Variants in RAB11FIP5 observed in about 807,000 individuals in gnomAD.
The protein encoded by RAB11FIP5 is rab11 family-interacting protein 5.
Under a neutral mutation model 85.1 loss-of-function variants are expected in RAB11FIP5, and 48 were observed. That is an observed-to-expected ratio of 0.56 (90% CI 0.45 to 0.72). The LOEUF is 0.72. RAB11FIP5 is among the 30% of genes least tolerant of loss of function. RAB11FIP5 has a pLI of 0.00. For missense variants in RAB11FIP5, 1,491 were observed against 1,687.0 expected (o/e 0.88, Z 2.04); for synonymous variants, 729 against 727.3 (o/e 1.00, Z -0.04).
At chr2:73,076,320 A>G (rs925467833) in intron 4 of RAB11FIP5, 138 bp from the exon 5 acceptor site, 3 of 853,172 alleles carry the variant, frequency 3.5e-6, no homozygotes, top group Non-Finnish European at 5.5e-6. Context: ...CTACAGAGTC[A>G]AGGTTTCAGG....
At chr2:73,111,927 T>C (rs889492868) in intron 1 of RAB11FIP5, among the ~76,000 whole-genome samples, 1 of 152,180 alleles carries the variant, frequency 6.6e-6, no homozygotes, top group Middle Eastern at 3.2e-3. Flanking sequence ...AGGGCAAGGC[T>C]GCGCCTCTCC....
chr2:73,088,813 T>G (rs1684146820), intron 2 of RAB11FIP5, 64 bp from the exon 3 acceptor site: 2 of 1,535,028 alleles, frequency 1.3e-6, no homozygotes, highest in Non-Finnish European at 1.7e-6. Flanking sequence ...GCCCCAGGCC[T>G]TCATCACCAC....
At position 73,080,754 on chromosome 2, in the gene RAB11FIP5, G is replaced by C; in HGVS notation, c.2478C>G (p.Val826=). 8.1e-7 allele frequency: 1 copy of C among 1,232,544 alleles called. No homozygotes were observed. Among genetic ancestry groups the C allele is most frequent in the East Asian group, 3.2e-5 (1 of 31,710 alleles). The allele number at this position is 1,232,544 out of a possible 1,614,324, so 76.4% of individuals were successfully genotyped here. The change falls in exon 4 of 6, where the codon GTC becomes GTG. Residue 826 remains valine, a synonymous_variant. Coordinates refer to ENST00000486777, the MANE Select transcript of RAB11FIP5 (RefSeq NM_001371272.1). ...SRGENQLCPD[V]ETADDAWPWD... Reference sequence around the variant, plus strand: ...AAGGCCAGGCATCATCAGCTGTCTCGACGTCAGGGCAAAGCTGATTTTCGC... The same window carrying C: ...AAGGCCAGGCATCATCAGCTGTCTCCACGTCAGGGCAAAGCTGATTTTCGC...
Position 73,080,904 on chromosome 2 carries a change from T to G in RAB11FIP5, c.2328A>C (p.Glu776Asp). The G allele has an allele frequency of 4.1e-6, 5 of 1,232,600 alleles. No individual in the cohort carries two copies. The highest frequency in any genetic ancestry group is 5.1e-6 in the Non-Finnish European group (5 of 988,344). 76.4% of individuals were successfully genotyped at this position (1,232,600 alleles called of 1,614,324 possible). ...PDRELPAPEV[E>D]AGQSPADSGT... The stretch of plus-strand genomic sequence containing the variant: ...CACTGTCTGCCGGACTCTGCCCTGC[T>G]TCCACTTCCGGGGCTGGCAGTTCCC... Residue 776 changes from glutamate (E) to aspartate (D), a missense_variant, in exon 4 of 6, where the codon GAA becomes GAC. Coordinates refer to ENST00000486777, the MANE Select transcript of RAB11FIP5 (RefSeq NM_001371272.1).
At chr2:73,106,488 C>A (rs151225271) in intron 1 of RAB11FIP5, among the ~76,000 whole-genome samples, 1 of 152,322 alleles carries the variant, frequency 6.6e-6, no homozygotes, top group East Asian at 1.9e-4. Flanking sequence ...CAGGCTTCCC[C>A]CCCTTTGGAA....
At position 73,088,418 on chromosome 2, in the gene RAB11FIP5, C is replaced by T; in HGVS notation, c.1200G>A (p.Val400=). 1 of 1,613,964 alleles carries T rather than the reference C, an allele frequency of 6.2e-7. No homozygotes were observed. The highest frequency in any genetic ancestry group is 8.5e-7 in the Non-Finnish European group (1 of 1,180,040). The stretch of plus-strand genomic sequence containing the variant: ...GAGCACTCAGCTCCTCCTGTCCAAG[C>T]ACTGCCTCTGAGCTGCTGTTGCTAC... ...GSRSNSSSEA[V]LGQEELSAQA... The change falls in exon 3 of 6, where the codon GTG becomes GTA. Residue 400 remains valine (V), a synonymous_variant. Transcript: ENST00000486777.
chr2:73,103,827 G>T (rs988704512), intron 1 of RAB11FIP5, among the ~76,000 whole-genome samples: 3 of 152,138 alleles, frequency 2.0e-5, no homozygotes, highest in African/African-American at 7.2e-5. Flanking sequence ...GAGAGAACCC[G>T]CAAGATGACC....
At chr2:73,102,943 T>G (rs1198134653) in intron 1 of RAB11FIP5, among the ~76,000 whole-genome samples, 1 of 152,118 alleles carries the variant, frequency 6.6e-6, no homozygotes, top group East Asian at 1.9e-4. Context: ...AAACTAGAAC[T>G]ATTATATTCA....
At chr2:73,107,247 G>A (rs759531637) in intron 1 of RAB11FIP5, among the ~76,000 whole-genome samples, 2 of 152,250 alleles carry the variant, frequency 1.3e-5, no homozygotes, top group Non-Finnish European at 2.9e-5. Flanking sequence ...TTCCCCTGGA[G>A]CAGAGCCACA....
intron 1 of RAB11FIP5, among the ~76,000 whole-genome samples, chr2:73,110,405 C>T (rs1276003983): frequency 1.3e-5 from 2 of 152,130 alleles, no homozygotes; most frequent in Admixed American, 1.3e-4. Context: ...GCTGTTAGGT[C>T]CAGTAAACTA....
intron 1 of RAB11FIP5, among the ~76,000 whole-genome samples, chr2:73,106,771 C>T (rs1475065549): frequency 2.0e-5 from 3 of 152,246 alleles, no homozygotes; most frequent in African/African-American, 7.2e-5. Flanking sequence ...GTGTGCAGCT[C>T]TCCCTCTGCA....
chr2:73,093,609 C>G (rs1684261592), intron 1 of RAB11FIP5, among the ~76,000 whole-genome samples: 1 of 152,338 alleles, frequency 6.6e-6, no homozygotes, highest in African/African-American at 2.4e-5. Context: ...CCCCACTGAC[C>G]AGGTCACCTC....
rs778556230 is a variant in RAB11FIP5, at chr2:73,088,881, C to T, written c.866G>A (p.Gly289Glu). 2 of 1,570,934 alleles carry T rather than the reference C, an allele frequency of 1.3e-6. No individual in the cohort carries two copies. The highest frequency in any genetic ancestry group is 1.8e-5 in the Admixed American group (1 of 55,714). The change falls in exon 2 of 6, where the codon GGG (glycine) becomes GAG (glutamate). Residue 289 changes from glycine (G) to glutamate (E), a missense_variant and splice_region_variant. Coordinates refer to ENST00000486777, the MANE Select transcript of RAB11FIP5 (RefSeq NM_001371272.1). ...PSRSSWLSTE[G>E]GRDSAQSPKL... ...GCGGCGGCCCTGTGCTTGCTCACCC[C>T]CTTCAGTGGACAGCCAGCTGCTACG... is the stretch of plus-strand genomic sequence containing the variant.
chr2:73,083,293 C>T (rs569879038), intron 3 of RAB11FIP5, among the ~76,000 whole-genome samples: 6 of 152,220 alleles, frequency 3.9e-5, no homozygotes, highest in African/African-American at 9.6e-5. Flanking sequence ...CAGGTCAGCT[C>T]GGCAGCTACC....
At chr2:73,109,777 A>G (rs1459403252) in intron 1 of RAB11FIP5, among the ~76,000 whole-genome samples, 2 of 152,278 alleles carry the variant, frequency 1.3e-5, no homozygotes, top group East Asian at 3.9e-4. Flanking sequence ...TCCGTCACCC[A>G]TGGTCCTAAG....
chr2:73,112,288 C>T (rs368092043), intron 1 of RAB11FIP5, 59 bp downstream of exon 1: 1 of 1,431,568 alleles, frequency 7.0e-7, no homozygotes, highest in Non-Finnish European at 9.1e-7. Flanking sequence ...CCTGATCCCC[C>T]ACCAGCCCCG....
At position 73,088,737 on chromosome 2, in the gene RAB11FIP5, G is replaced by A; in HGVS notation, c.881C>T (p.Ala294Val). 1 of 1,596,178 alleles carries A rather than the reference G, an allele frequency of 6.3e-7. No homozygotes were observed. The highest frequency in any genetic ancestry group is 8.5e-7 in the Non-Finnish European group (1 of 1,171,920). ...WLSTEGGRDS[A>V]QSPKLFTHKR... ...ATGGGTGAACAGCTTGGGGGACTGT[G>A]CAGAGTCCCTGCCTGCAGGGGAAAC... is the stretch of plus-strand genomic sequence containing the variant. The change falls in exon 3 of 6, where the codon GCA becomes GTA. Residue 294 changes from alanine to valine, a missense_variant. Ala to Val is a moderately conservative substitution (Grantham distance 64). This residue lies in a region of RAB11FIP5 where 1,211 missense variants were observed against 1,338.0 expected (regional missense o/e 0.91). Coordinates refer to ENST00000486777, the MANE Select transcript of RAB11FIP5 (RefSeq NM_001371272.1).
Position 73,080,563 on chromosome 2 carries a change from A to C in RAB11FIP5, c.2669T>G (p.Val890Gly), listed in dbSNP as rs577439351. 28 of 1,232,194 alleles carry C rather than the reference A, an allele frequency of 2.3e-5. No homozygotes were observed. The African/African-American group carries it at 4.2e-4, about 18-fold the overall frequency. The allele number at this position is 1,232,194 out of a possible 1,614,324, so 76.3% of individuals were successfully genotyped here. A position where few individuals can be genotyped will look rare whatever the true frequency, so the allele number is the denominator to read the frequency against. ...PPEPEPKPEW[V>G]SDKGLQPSTP... is the part of the protein sequence containing the mutation. Reference sequence around the variant, plus strand: ...GCTGGGCTGCAGCCCCTTGTCAGACACCCACTCGGGTTTAGGCTCGGGCTC... The same window carrying C: ...GCTGGGCTGCAGCCCCTTGTCAGACCCCCACTCGGGTTTAGGCTCGGGCTC... Residue 890 changes from valine to glycine, a missense_variant, in exon 4 of 6, where the codon GTG (valine) becomes GGG (glycine). By Grantham distance (109) the Val-to-Gly change is moderately radical. Coordinates refer to ENST00000486777, the MANE Select transcript of RAB11FIP5 (RefSeq NM_001371272.1).
chr2:73,105,949 T>C (rs1371419276), intron 1 of RAB11FIP5, among the ~76,000 whole-genome samples: 1 of 152,046 alleles, frequency 6.6e-6, no homozygotes, highest in East Asian at 1.9e-4. Flanking sequence ...TCTCAGCACT[T>C]TGGGAAGCTG....
Sources: allele counts gnomAD v4.1 joint callset (sites outside exome capture counted in the v4.1 genomes callset), GRCh38; gene constraint gnomAD v4.1.1; regional missense constraint gnomAD v4.1.1; transcripts MANE v1.5; gene names NCBI Gene and HGNC (gene_info 2026-07-23, HGNC 2026-07-21).